The following MED17 variants were observed in gnomAD, a reference collection of about 807,000 sequenced individuals.
The protein encoded by MED17 is mediator of RNA polymerase II transcription subunit 17.
In MED17, 49 loss-of-function variants were observed where a neutral mutation model predicts 80.8. The observed-to-expected ratio is 0.61, with a 90% CI of 0.48 to 0.77. The LOEUF is 0.77. Ranked by LOEUF, MED17 falls within the 30% of genes least tolerant of loss-of-function variation. The pLI, the probability that MED17 is intolerant of heterozygous loss-of-function variation, is 0.00. For synonymous variants in MED17, 281 were observed against 280.4 expected, an observed-to-expected ratio of 1.00 and a Z score of -0.02; for missense variants, 718 against 787.0, an observed-to-expected ratio of 0.91 and a Z score of 1.05.
intron 2 of MED17, 33 bp from the exon 3 acceptor site, chr11:93,790,540 CT>C (rs1321500154): frequency 6.4e-7 from 1 of 1,573,800 alleles, no homozygotes; most frequent in African/African-American, 1.4e-5. Flanking sequence ...TTTAAAAATC[CT>C]GCAGAACTGC....
chr11:93,796,300 G>A (rs1314781014), intron 6 of MED17, 110 bp from the exon 7 acceptor site: 3 of 1,116,158 alleles, frequency 2.7e-6, no homozygotes, highest in African/African-American at 3.1e-5. Flanking sequence ...TGATCTTCAA[G>A]TTTAGAATAT....
Position 93,804,024 on chromosome 11 carries a change from TATACACAC to T in MED17, c.1466+2054_1466+2061del, listed in dbSNP as rs370677220. Among the ~76,000 whole-genome samples, 105 of 12,392 alleles carry T rather than the reference TATACACAC, an allele frequency of 8.5e-3. 4 individuals are homozygous for T. Among genetic ancestry groups the T allele is most frequent in the Admixed American group, 0.014 (8 of 590 alleles). 8.1% of individuals were successfully genotyped at this position (12,392 alleles called of 152,430 possible). A position where few individuals can be genotyped will look rare whatever the true frequency, so the allele number is the denominator to read the frequency against. ...GTATATATATATATATATATATATATATACACACACACATATACACACGCACACACACA... is the reference window on the plus strand; with the variant it reads ...GTATATATATATATATATATATATATACACATATACACACGCACACACACA... On this transcript the variant is annotated intron_variant, in intron 9 of 11. Coordinates refer to ENST00000251871, the MANE Select transcript of MED17 (RefSeq NM_004268.5).
In MED17 at chr11:93,788,157, C is replaced by T; in HGVS notation, c.407C>T (p.Pro136Leu). 3 of 1,612,482 alleles carry T rather than the reference C, an allele frequency of 1.9e-6. No homozygotes were observed. Among genetic ancestry groups the T allele is most frequent in the Non-Finnish European group, 1.7e-6 (2 of 1,178,846 alleles). Residue 136 changes from proline to leucine, a missense_variant, in exon 2 of 12, where the codon CCT becomes CTT. Pro to Leu is a moderately conservative substitution (Grantham distance 98). Transcript: ENST00000251871. The part of the protein sequence containing the change: ...TLDPVSQDAL[P>L]PKQNPQTLQL... ...GATCCTGTCTCTCAGGATGCACTTC[C>T]TCCAAAACAGGTATTTGTGGACTTT...
rs566469416 is a variant in MED17 at position 93,796,273 on chromosome 11, A to T, written c.1013-137A>T. ...GCCAAATAGTAATCTTGATATACAG[A>T]TGTTAATCATGAGGTCTGATCTTCA... On this transcript the variant is annotated intron_variant, in intron 6 of 11. Transcript: ENST00000251871. 3.5e-5 allele frequency: 31 copies of T among 873,472 alleles called. No individual in the cohort carries two copies. The East Asian group carries it at 7.1e-4, about 20-fold the overall frequency. 54.1% of individuals were successfully genotyped at this position (873,472 alleles called of 1,614,324 possible).
chr11:93,794,666 T>C (rs1234574208), intron 5 of MED17: 1 of 564,374 alleles, frequency 1.8e-6, no homozygotes, highest in Non-Finnish European at 3.1e-6. Context: ...ATTTAAACTT[T>C]CCTCTTCAGG....
chr11:93,811,193 A>T (rs1230546109), intron 11 of MED17: 1 of 152,262 alleles, frequency 6.6e-6, no homozygotes. Flanking sequence ...GAATTTCAAA[A>T]TACCCTTTTC....
intron 10 of MED17, 42 bp from the exon 11 acceptor site, chr11:93,809,675 A>G (rs749630782): frequency 6.2e-7 from 1 of 1,610,416 alleles, no homozygotes; most frequent in Non-Finnish European, 8.5e-7. Context: ...CACTGCAGAT[A>G]TCTCTGCTGA....
intron 6 of MED17, chr11:93,796,145 G>T: frequency 5.1e-6 from 2 of 395,348 alleles, no homozygotes; most frequent in South Asian, 4.3e-5. Flanking sequence ...TAGAGATGGG[G>T]TTTCACTATG....
intron 3 of MED17, among the ~76,000 whole-genome samples, chr11:93,791,195 T>G (rs1336866559): frequency 2.6e-5 from 4 of 152,386 alleles, no homozygotes; most frequent in Admixed American, 2.6e-4. Context: ...GTGTTACGTT[T>G]CAAAATTTTA....
intron 10 of MED17, chr11:93,808,761 C>A (rs1944055908): frequency 6.6e-6 from 1 of 151,968 alleles, no homozygotes; most frequent in South Asian, 2.1e-4. Flanking sequence ...ACTTTAAGCA[C>A]ACACACAAAA....
At chr11:93,795,638 G>A (rs1027035274) in intron 6 of MED17, 1 of 153,314 alleles carries the variant, frequency 6.5e-6, no homozygotes, top group Non-Finnish European at 1.4e-5. Flanking sequence ...TTCAAAAGCA[G>A]GTAGACTTGC....
chr11:93,791,649 T>C (rs1457021096), intron 3 of MED17, among the ~76,000 whole-genome samples: 1 of 151,990 alleles, frequency 6.6e-6, no homozygotes, highest in East Asian at 1.9e-4. Flanking sequence ...CTGGCTGCAG[T>C]GAGCCGAGAT....
At chr11:93,791,744 G>C (rs1943838142) in intron 3 of MED17, among the ~76,000 whole-genome samples, 1 of 152,022 alleles carries the variant, frequency 6.6e-6, no homozygotes, top group South Asian at 2.1e-4. Flanking sequence ...GCAATTCTCA[G>C]TGTTCTTCTG....
chr11:93,790,854 C>T (rs551774563), intron 3 of MED17, 61 bp downstream of exon 3: 2 of 1,451,044 alleles, frequency 1.4e-6, no homozygotes, highest in African/African-American at 1.4e-5. Flanking sequence ...TGCGTGTAAT[C>T]CTAGCACTTT....
intron 3 of MED17, among the ~76,000 whole-genome samples, chr11:93,791,393 C>T (rs937645225): frequency 2.0e-5 from 3 of 152,048 alleles, no homozygotes; most frequent in Non-Finnish European, 2.9e-5. Flanking sequence ...TCAATCAAGG[C>T]CTTACCTGTA....
intron 9 of MED17, among the ~76,000 whole-genome samples, chr11:93,803,210 C>T (rs1277799048): frequency 4.6e-5 from 7 of 152,136 alleles, no homozygotes; most frequent in Admixed American, 3.9e-4. Context: ...CACAAAATAA[C>T]GACCCTTAGG....
At chr11:93,795,217 A>T in intron 6 of MED17, 157 bp downstream of exon 6, 1 of 835,198 alleles carries the variant, frequency 1.2e-6, no homozygotes, top group Non-Finnish European at 2.0e-6. Context: ...AACACAAACT[A>T]TACTGTGGAA....
At chr11:93,802,711 T>C (rs934242759) in intron 9 of MED17, among the ~76,000 whole-genome samples, 2 of 152,176 alleles carry the variant, frequency 1.3e-5, no homozygotes, top group Admixed American at 6.5e-5. Flanking sequence ...CCAAGTTTTA[T>C]AGTTCTCATG....
intron 10 of MED17, chr11:93,807,886 G>GT (rs1213307761): frequency 6.3e-5 from 31 of 491,000 alleles, no homozygotes; most frequent in South Asian, 8.9e-5. Context: ...AGACTAGCAA[G>GT]TTTTTTTTCC....
Sources: gnomAD v4.1 joint callset for allele counts (sites outside exome capture counted in the v4.1 genomes callset) on GRCh38, gnomAD v4.1.1 for gene constraint, MANE v1.5 for transcripts, NCBI Gene and HGNC (gene_info 2026-07-23, HGNC 2026-07-21) for gene names.